The following DAB1 variants were observed in gnomAD, a reference collection of about 807,000 sequenced individuals.
The protein encoded by DAB1 is disabled homolog 1.
A neutral mutation model predicts 64.6 loss-of-function variants in DAB1; 15 were observed. The ratio of observed to expected loss-of-function variants is 0.23; its 90% confidence interval spans 0.16 to 0.36. DAB1 has a LOEUF of 0.36. Among genes scored for constraint, DAB1 ranks in the 10% least tolerant of loss-of-function variants. DAB1 has a pLI of 1.00. For missense variants in DAB1, 596 were observed against 706.7 expected (o/e 0.84, Z 1.78); for synonymous variants, 235 against 251.9 (o/e 0.93, Z 0.64).
At chr1:58,448,678 G>A (rs758402039) in intron 3 of DAB1, among the ~76,000 whole-genome samples, 3 of 152,142 alleles carry the variant, frequency 2.0e-5, no homozygotes, top group Admixed American at 1.3e-4. Flanking sequence ...TTAGGGACAG[G>A]GGACACAAGC....
In DAB1 at chr1:57,612,558, C is replaced by T. The variant is rs576590547; in HGVS notation, n.625+37034G>A. 3.3e-5 allele frequency among the ~76,000 whole-genome samples: 5 copies of T among 151,946 alleles called. No homozygotes were observed. The East Asian group carries it at 9.7e-4, about 29-fold the overall frequency. On this transcript the variant is annotated intron_variant and non_coding_transcript_variant, in intron 7 of 20. Coordinates refer to the DAB1 transcript ENST00000485760. ...CTGGACTTGAACATGGAGGAAGAGGCCACGGGTCAAGGAATACAGGTGCAG... is the reference window on the plus strand; with the variant it reads ...CTGGACTTGAACATGGAGGAAGAGGTCACGGGTCAAGGAATACAGGTGCAG...
intron 2 of DAB1, among the ~76,000 whole-genome samples, chr1:57,263,836 A>G (rs376954750): frequency 6.6e-6 from 1 of 152,224 alleles, no homozygotes; most frequent in Non-Finnish European, 1.5e-5. Flanking sequence ...AATTGGGACT[A>G]AAAATGGTTA....
intron 6 of DAB1, among the ~76,000 whole-genome samples, chr1:57,722,576 A>C (rs1323813): frequency 0.34 from 51,721 of 152,092 alleles, 11,503 homozygotes; most frequent in African/African-American, 0.63. Context: ...GCCTATTTTT[A>C]ATCTCTGGAT....
At chr1:58,414,672 C>A (rs1276099115) in intron 3 of DAB1, among the ~76,000 whole-genome samples, 1 of 151,468 alleles carries the variant, frequency 6.6e-6, no homozygotes, top group African/African-American at 2.4e-5. Flanking sequence ...TATTGAGAAG[C>A]TTTTAGACCT....
In DAB1 at chr1:57,062,913, A is replaced by G; in HGVS notation, c.694T>C (p.Tyr232His). 6.2e-7 allele frequency: 1 copy of G among 1,614,192 alleles called. No homozygotes were observed. The highest frequency in any genetic ancestry group is 8.5e-7 in the Non-Finnish European group (1 of 1,179,998). The change falls in exon 9 of 15, where the codon TAT becomes CAT. Residue 232 changes from tyrosine (Y) to histidine (H), a missense_variant. Tyr to His is a moderately conservative substitution (Grantham distance 83). Around this residue, in one of 3 missense-constraint regions of DAB1, gnomAD observed 176 missense variants for 266.7 expected, o/e 0.66. Coordinates refer to ENST00000371236, the MANE Select transcript of DAB1 (RefSeq NM_001365792.1). The part of the protein sequence containing the change: ...VPTSQKKEGV[Y>H]DVPKSQPVSA... ...ACAGGTTGACTTTTTGGCACATCAT[A>G]AACACCTTCCTTCTTTTGGCTGGTG...
At chr1:57,474,571 T>A (rs1643911858) in intron 7 of DAB1, among the ~76,000 whole-genome samples, 1 of 152,192 alleles carries the variant, frequency 6.6e-6, no homozygotes, top group Non-Finnish European at 1.5e-5. Context: ...TAGGAAAAAG[T>A]GGTTCAGCTT....
chr1:57,171,663 A>G (rs1661780218), intron 2 of DAB1, among the ~76,000 whole-genome samples: 1 of 152,182 alleles, frequency 6.6e-6, no homozygotes, highest in South Asian at 2.1e-4. Context: ...AAAAAAATAC[A>G]TATTACATAT....
At chr1:58,381,885 ATG>A (rs1644392827) in intron 3 of DAB1, among the ~76,000 whole-genome samples, 3 of 104,004 alleles carry the variant, frequency 2.9e-5, no homozygotes, top group African/African-American at 9.8e-5. Context: ...AAAATAATGA[ATG>A]ACACCATCAA....
At position 57,724,267 on chromosome 1, in the gene DAB1, AAAGG is replaced by A. The variant is rs1476730085; in HGVS notation, n.552-74606_552-74603del. Among the ~76,000 whole-genome samples, 14 of 130,294 alleles carry A rather than the reference AAAGG, an allele frequency of 1.1e-4. No individual in the cohort carries two copies. In the South Asian group the frequency reaches 2.7e-3, roughly 26 times the overall value. 85.5% of individuals were successfully genotyped at this position (130,294 alleles called of 152,430 possible). ...GAAAGGAAGGGAGGGAGGGAGGGAA[AAAGG>A]AAGGAAGGAAGGAACGAAGGAAGGA... On this transcript the variant is annotated intron_variant and non_coding_transcript_variant, in intron 6 of 20. Transcript: ENST00000485760.
At chr1:58,497,233 A>G (rs1347823206) in intron 3 of DAB1, among the ~76,000 whole-genome samples, 1 of 152,210 alleles carries the variant, frequency 6.6e-6, no homozygotes, top group African/African-American at 2.4e-5. Context: ...CAAACAAAAC[A>G]AAAGGGAGGG....
chr1:58,254,395 A>AT (rs150057888), intron 4 of DAB1, among the ~76,000 whole-genome samples: 73,139 of 146,162 alleles, frequency 0.5, 18,712 homozygotes, highest in East Asian at 0.65. Flanking sequence ...TTTTTTTTCT[A>AT]TTTTTTTTTT....
chr1:57,194,759 G>T (rs1664479352), intron 2 of DAB1, among the ~76,000 whole-genome samples: 1 of 152,122 alleles, frequency 6.6e-6, no homozygotes, highest in African/African-American at 2.4e-5. Flanking sequence ...GGTTCCATGG[G>T]AGGCATGGAG....
At chr1:58,425,833 G>A (rs997354627) in intron 3 of DAB1, among the ~76,000 whole-genome samples, 8 of 152,076 alleles carry the variant, frequency 5.3e-5, no homozygotes, top group African/African-American at 1.9e-4. Flanking sequence ...ATTTAATCAA[G>A]CAGATTGGCA....
chr1:58,139,915 T>C (rs1181897501), intron 5 of DAB1, among the ~76,000 whole-genome samples: 1 of 152,180 alleles, frequency 6.6e-6, no homozygotes, highest in Non-Finnish European at 1.5e-5. Context: ...GTGGAAACTA[T>C]ATTATTAAAT....
At chr1:57,111,945 C>T (rs532471552) in intron 4 of DAB1, among the ~76,000 whole-genome samples, 168 of 152,268 alleles carry the variant, frequency 1.1e-3, no homozygotes, top group African/African-American at 3.9e-3. Context: ...GCTCTAGGCT[C>T]TAAATGCCCT....
chr1:58,037,629 C>T (rs575785139), intron 5 of DAB1, among the ~76,000 whole-genome samples: 49 of 152,144 alleles, frequency 3.2e-4, no homozygotes, highest in African/African-American at 1.1e-3. Flanking sequence ...ACCATCCCCA[C>T]CCTTCCACCC....
intron 4 of DAB1, among the ~76,000 whole-genome samples, chr1:58,260,681 T>TA (rs1478914471): frequency 2.6e-5 from 4 of 152,344 alleles, no homozygotes; most frequent in South Asian, 4.1e-4. Flanking sequence ...TGCCTTGTGT[T>TA]ATACATAGGT....
chr1:58,002,243 G>A (rs983487470), intron 5 of DAB1, among the ~76,000 whole-genome samples: 2 of 152,116 alleles, frequency 1.3e-5, no homozygotes, highest in East Asian at 1.9e-4. Flanking sequence ...GTTTTTGGAC[G>A]GTCCCTCTGT....
In DAB1 at chr1:57,704,532, C is replaced by G. The variant is rs547153153; in HGVS notation, n.552-54867G>C. ...TTTTCAAACACAAAGTAATCTCAAG[C>G]AGCAAAGGAACCTGGATAGCTTCCA... On this transcript the variant is annotated intron_variant and non_coding_transcript_variant, in intron 6 of 20. Coordinates refer to the DAB1 transcript ENST00000485760. Among the ~76,000 whole-genome samples the G allele has an allele frequency of 2.1e-4, 32 of 152,284 alleles. No individual in the cohort carries two copies. The South Asian group carries it at 6.2e-3, about 30-fold the overall frequency.
Sources: allele counts gnomAD v4.1 joint callset (sites outside exome capture counted in the v4.1 genomes callset), GRCh38; gene constraint gnomAD v4.1.1; regional missense constraint gnomAD v4.1.1; transcripts MANE v1.5; gene names NCBI Gene and HGNC (gene_info 2026-07-23, HGNC 2026-07-21).